Variants in CPNE8 observed in about 807,000 individuals in gnomAD.
The protein encoded by CPNE8 is copine 8.
CPNE8 carries 45 observed loss-of-function variants against 81.5 expected under a neutral mutation model. The ratio of observed to expected loss-of-function variants is 0.55; its 90% CI spans 0.44 to 0.71. CPNE8 has a LOEUF of 0.71. Among genes scored for constraint, CPNE8 ranks in the 30% least tolerant of loss-of-function variants. The probability of loss-of-function intolerance (pLI) is 0.00; values close to 1 mark genes in which losing one functional copy is unlikely to be tolerated. For missense variants in CPNE8, 594 were observed against 672.1 expected, an observed-to-expected ratio of 0.88 and a Z score of 1.28; for synonymous variants, 252 against 226.3, an observed-to-expected ratio of 1.11 and a Z score of -1.02.
In CPNE8 at chr12:38,775,727, TGCTAGC is replaced by T. The variant is rs1400755496; in HGVS notation, c.471+505_471+510del. ...GAGTATGCACTCTCTGTAGTCATAC[TGCTAGC>T]TGTAGTGGCAGCTAATCCTTTCTTC... is the stretch of plus-strand genomic sequence containing the variant. On this transcript the variant is annotated intron_variant, in intron 7 of 19. Transcript: ENST00000331366. 3.9e-5 allele frequency among the ~76,000 whole-genome samples: 6 copies of T among 152,216 alleles called. No individual in the cohort carries two copies. In the East Asian group the frequency reaches 7.7e-4, roughly 20 times the overall value.
At chr12:38,821,327 T>C (rs1357704733) in intron 6 of CPNE8, among the ~76,000 whole-genome samples, 1 of 152,170 alleles carries the variant, frequency 6.6e-6, no homozygotes, top group East Asian at 1.9e-4. Context: ...CCATAATCAA[T>C]TCCTAGTAAA....
intron 6 of CPNE8, among the ~76,000 whole-genome samples, chr12:38,783,341 T>C (rs1484120952): frequency 6.6e-6 from 1 of 152,174 alleles, no homozygotes; most frequent in African/African-American, 2.4e-5. Context: ...AGTACCTGGC[T>C]TTAACTTCAT....
chr12:38,662,755 G>T lies in CPNE8; in HGVS notation c.1506+7974C>A, dbSNP rs541584362. Among the ~76,000 whole-genome samples, 9 of 152,222 alleles carry T rather than the reference G, an allele frequency of 5.9e-5. No individual in the cohort carries two copies. The East Asian group carries it at 9.6e-4, about 16-fold the overall frequency. On this transcript the variant is annotated intron_variant, in intron 19 of 19. Transcript: ENST00000331366. ...CTTCAAAATATATTACATAGCCATAGAAACCAAAACAGAAAGGCACTGGCA... is the reference window on the plus strand; with the variant it reads ...CTTCAAAATATATTACATAGCCATATAAACCAAAACAGAAAGGCACTGGCA...
At chr12:38,707,281 T>G (rs1343013333) in intron 13 of CPNE8, among the ~76,000 whole-genome samples, 2 of 152,178 alleles carry the variant, frequency 1.3e-5, no homozygotes, top group Non-Finnish European at 2.9e-5. Flanking sequence ...ACTGCTGCAC[T>G]CCAGCTTGTG....
intron 6 of CPNE8, among the ~76,000 whole-genome samples, chr12:38,820,271 G>C (rs1435677518): frequency 1.3e-5 from 2 of 152,004 alleles, no homozygotes; most frequent in African/African-American, 4.8e-5. Flanking sequence ...CGGGCGTGGT[G>C]ATGTGCACCT....
At chr12:38,660,635 G>C (rs1389004522) in intron 19 of CPNE8, among the ~76,000 whole-genome samples, 3 of 152,078 alleles carry the variant, frequency 2.0e-5, no homozygotes, top group Admixed American at 2.0e-4. Context: ...TTAAACTAAA[G>C]AGCTTCTGCA....
intron 6 of CPNE8, among the ~76,000 whole-genome samples, chr12:38,828,813 C>T (rs1022361198): frequency 4.6e-5 from 7 of 152,058 alleles, no homozygotes; most frequent in Non-Finnish European, 7.4e-5. Context: ...AAAATTTGCT[C>T]CCTGCCTTAT....
chr12:38,835,765 G>A (rs1943369418), intron 5 of CPNE8, among the ~76,000 whole-genome samples: 1 of 151,956 alleles, frequency 6.6e-6, no homozygotes, highest in Non-Finnish European at 1.5e-5. Context: ...ATCTGTATGT[G>A]AAAGCTTATA....
intron 10 of CPNE8, among the ~76,000 whole-genome samples, chr12:38,755,674 T>C (rs982687395): frequency 1.3e-5 from 2 of 152,176 alleles, no homozygotes; most frequent in African/African-American, 2.4e-5. Context: ...TAAATACATT[T>C]CAACTGATTA....
intron 10 of CPNE8, among the ~76,000 whole-genome samples, chr12:38,757,330 AAAATCT>A (rs1180986197): frequency 6.6e-6 from 1 of 152,004 alleles, no homozygotes; most frequent in African/African-American, 2.4e-5. Context: ...ATGTTTTTAA[AAAATCT>A]ACATTGGGCA....
At chr12:38,756,709 A>G (rs945190530) in intron 10 of CPNE8, among the ~76,000 whole-genome samples, 1 of 152,226 alleles carries the variant, frequency 6.6e-6, no homozygotes, top group Non-Finnish European at 1.5e-5. Flanking sequence ...AGTCAATTCT[A>G]GACTTCTACT....
chr12:38,724,939 T>C (rs772724900), intron 11 of CPNE8, 40 bp from the exon 12 acceptor site: 1 of 1,478,552 alleles, frequency 6.8e-7, no homozygotes, highest in Admixed American at 1.9e-5. Context: ...TGTTAGGTTT[T>C]ATACCGAAGT....
chr12:38,872,893 C>A, intron 3 of CPNE8, 111 bp downstream of exon 3: 1 of 675,554 alleles, frequency 1.5e-6, no homozygotes, highest in Non-Finnish European at 2.6e-6. Flanking sequence ...ACAATTCAAT[C>A]TTTGGGTTCA....
intron 4 of CPNE8, among the ~76,000 whole-genome samples, chr12:38,843,290 A>G (rs1283266334): frequency 6.6e-6 from 1 of 152,210 alleles, no homozygotes. Context: ...CTAAGGCCCA[A>G]AGAAAAAAAA....
rs184439273 is a variant in CPNE8 at position 38,894,644 on chromosome 12, T to A, written c.98+10793A>T. Among the ~76,000 whole-genome samples, 3 of 147,170 alleles carry A rather than the reference T, an allele frequency of 2.0e-5. No homozygotes were observed. In the East Asian group the frequency reaches 6.0e-4, roughly 29 times the overall value. On this transcript the variant is annotated intron_variant, in intron 1 of 19. Coordinates refer to ENST00000331366, the MANE Select transcript of CPNE8 (RefSeq NM_153634.3). ...GTATCCCTTAGTCTCACGTGCTTGC[T>A]CTCACTCCAGCTCACTCTCTCTCTC...
At chr12:38,872,541 G>A (rs923025114) in intron 3 of CPNE8, among the ~76,000 whole-genome samples, 7 of 152,138 alleles carry the variant, frequency 4.6e-5, no homozygotes, top group African/African-American at 1.7e-4. Flanking sequence ...CTTCACTTTT[G>A]CTTCATTAAA....
chr12:38,829,337 G>A (rs778988843), intron 6 of CPNE8, 42 bp downstream of exon 6: 2 of 1,342,880 alleles, frequency 1.5e-6, no homozygotes, highest in Non-Finnish European at 2.1e-6. Flanking sequence ...AATAGAAACT[G>A]TTAAAGTTGG....
intron 8 of CPNE8, among the ~76,000 whole-genome samples, chr12:38,764,609 T>A (rs1477907800): frequency 1.1e-5 from 1 of 95,138 alleles, no homozygotes; most frequent in Non-Finnish European, 1.8e-5. Context: ...AGAGCGAGAC[T>A]CCGTCTCAAA....
chr12:38,874,409 G>C (rs1490103492), intron 2 of CPNE8, 62 bp downstream of exon 2: 5 of 1,198,980 alleles, frequency 4.2e-6, no homozygotes, highest in Non-Finnish European at 6.2e-6. Context: ...CAAGAACTAT[G>C]AGTTTCCTAC....
Sources: allele counts gnomAD v4.1 joint callset (sites outside exome capture counted in the v4.1 genomes callset), GRCh38; gene constraint gnomAD v4.1.1; transcripts MANE v1.5; gene names NCBI Gene and HGNC (gene_info 2026-07-23, HGNC 2026-07-21).